Variants in ABCA9 observed in about 807,000 individuals in gnomAD.
ABCA9 encodes the protein ATP-binding cassette sub-family A member 9.
ABCA9 carries 183 observed loss-of-function variants against 205.3 expected under a neutral mutation model. The observed-to-expected ratio is 0.89, with a 90% CI of 0.79 to 1.01. The LOEUF (loss-of-function observed/expected upper bound fraction) is 1.01. Ranked by LOEUF, ABCA9 falls within the 50% of genes least tolerant of loss-of-function variation. The pLI, the probability that ABCA9 is intolerant of heterozygous loss-of-function variation, is 0.00. For missense variants in ABCA9, 1,805 were observed against 1,912.4 expected, an observed-to-expected ratio of 0.94 and a Z score of 1.05; for synonymous variants, 651 against 683.3, an observed-to-expected ratio of 0.95 and a Z score of 0.74.
intron 37 of ABCA9, among the ~76,000 whole-genome samples, chr17:68,978,798 G>A (rs1375246596): frequency 2.6e-5 from 4 of 152,062 alleles, no homozygotes; most frequent in Non-Finnish European, 5.9e-5. Flanking sequence ...AAAATAATAA[G>A]AGCTATCTAT....
intron 32 of ABCA9, 58 bp from the exon 33 acceptor site, chr17:68,985,186 A>T: frequency 6.2e-7 from 1 of 1,605,704 alleles, no homozygotes; most frequent in Non-Finnish European, 8.5e-7. Flanking sequence ...ACATGGGAGA[A>T]TGAGCAAATC....
chr17:69,025,071 T>G (rs76119476), intron 16 of ABCA9, among the ~76,000 whole-genome samples: 6,752 of 152,216 alleles, frequency 0.044, 343 homozygotes, highest in African/African-American at 0.12. Flanking sequence ...TACTTACAAG[T>G]GCTATCAAGA....
intron 31 of ABCA9, among the ~76,000 whole-genome samples, chr17:68,987,686 C>G (rs1390226446): frequency 1.3e-5 from 2 of 151,638 alleles, no homozygotes; most frequent in African/African-American, 2.4e-5. Context: ...GATTTTGGAT[C>G]AATTCTAAGT....
At chr17:69,008,302 A>G (rs2070234696) in intron 23 of ABCA9, 67 bp from the exon 24 acceptor site, 2 of 1,433,276 alleles carry the variant, frequency 1.4e-6, no homozygotes, top group Non-Finnish European at 9.7e-7. Context: ...TTGCAAATAT[A>G]CAGTCATGAA....
rs1040279389 is a variant in ABCA9, at chr17:69,051,029, A to G, written c.96+2T>C. The G allele has an allele frequency of 2.5e-6, 4 of 1,613,222 alleles. No homozygotes were observed. Among genetic ancestry groups the G allele is most frequent in the Non-Finnish European group, 1.7e-6 (2 of 1,179,590 alleles). On this transcript the variant is annotated splice_donor_variant, in intron 2 of 38. Coordinates refer to ENST00000340001, the MANE Select transcript of ABCA9 (RefSeq NM_080283.4). LOFTEE classifies it high-confidence loss of function. ...TGAGAACACATAGACTCTGAAGCATACCAACAAGGTCTGTCTTTTCATTCT... is the reference window on the plus strand; with the variant it reads ...TGAGAACACATAGACTCTGAAGCATGCCAACAAGGTCTGTCTTTTCATTCT...
intron 3 of ABCA9, among the ~76,000 whole-genome samples, chr17:69,048,420 T>C (rs62082714): frequency 0.54 from 70,762 of 131,160 alleles, 19,513 homozygotes; most frequent in Non-Finnish European, 0.68. Context: ...GACGAAAGCA[T>C]GGACTTACGC....
chr17:69,063,996 A>G (rs1380135504), upstream of ABCA9, among the ~76,000 whole-genome samples: 1 of 152,100 alleles, frequency 6.6e-6, no homozygotes, highest in Non-Finnish European at 1.5e-5. Flanking sequence ...CATTTCTCAG[A>G]TATATTTTGA....
At chr17:69,029,110 C>A in intron 11 of ABCA9, 59 bp downstream of exon 11, 1 of 1,049,654 alleles carries the variant, frequency 9.5e-7, no homozygotes, top group South Asian at 1.7e-5. Flanking sequence ...CAAGAAATTA[C>A]AACAGTAAGG....
the ABCA9 span, among the ~76,000 whole-genome samples, chr17:69,075,257 G>A: frequency 1.3e-5 from 2 of 151,872 alleles, no homozygotes; most frequent in Non-Finnish European, 2.9e-5. Flanking sequence ...CTTAGGTCCC[G>A]CTTGTCCATT....
intron 28 of ABCA9, among the ~76,000 whole-genome samples, chr17:68,991,264 A>T (rs1309352248): frequency 1.3e-5 from 2 of 152,186 alleles, no homozygotes; most frequent in East Asian, 3.9e-4. Context: ...GCAGAGTTGC[A>T]TGAGGAAAGG....
At chr17:69,061,194 C>T, upstream of ABCA9, 1 of 976,258 alleles carries the variant, frequency 1.0e-6, no homozygotes, top group Non-Finnish European at 1.2e-6. Flanking sequence ...CAAGGAGAAT[C>T]TAGCCTTTCT....
Position 68,975,010 on chromosome 17 carries a change from A to G in ABCA9, c.*905T>C, listed in dbSNP as rs1416679851. On this transcript the variant is annotated 3_prime_UTR_variant, in exon 39 of 39. Coordinates refer to ENST00000340001, the MANE Select transcript of ABCA9 (RefSeq NM_080283.4). ...TAATGCTATCCCTCCCCTAGCCCCC[A>G]TCCCCCCAACAGGCCCCAGGGTGTG... The G allele has an allele frequency of 6.0e-5, 9 of 150,848 alleles. No homozygotes were observed. In the East Asian group the frequency reaches 1.6e-3, roughly 26 times the overall value. 9.3% of individuals were successfully genotyped at this position (150,848 alleles called of 1,614,324 possible).
Position 69,020,562 on chromosome 17 carries a change from T to G in ABCA9, c.2426A>C (p.Gln809Pro). Residue 809 changes from glutamine to proline, a missense_variant, in exon 19 of 39, where the codon CAA becomes CCA. Transcript: ENST00000340001. ...ESDIGIWGQL[Q>P]TDGAKDIGSL... ...TCCTATATCTTTTGCCCCATCAGTTTGTAATTGTCCCCAAATTCCAATATC... is the reference window on the plus strand; with the variant it reads ...TCCTATATCTTTTGCCCCATCAGTTGGTAATTGTCCCCAAATTCCAATATC... The G allele has an allele frequency of 3.1e-6, 5 of 1,613,860 alleles. No individual in the cohort carries two copies. Among genetic ancestry groups the G allele is most frequent in the Non-Finnish European group, 4.2e-6 (5 of 1,179,848 alleles).
chr17:69,068,852 A>G, the ABCA9 span, among the ~76,000 whole-genome samples: 1 of 152,180 alleles, frequency 6.6e-6, no homozygotes, highest in Non-Finnish European at 1.5e-5. Context: ...GGCAGTGTTA[A>G]ACACAATGGA....
In ABCA9 at chr17:68,982,570, A is replaced by G. The variant is rs1259145744; in HGVS notation, c.4712T>C (p.Leu1571Ser). 2 of 1,613,308 alleles carry G rather than the reference A, an allele frequency of 1.2e-6. No homozygotes were observed. Among genetic ancestry groups the G allele is most frequent in the East Asian group, 2.2e-5 (1 of 44,892 alleles). The change falls in exon 37 of 39, where the codon TTA (leucine) becomes TCA (serine). Residue 1571 changes from leucine to serine, a missense_variant. By Grantham distance (145) the Leu-to-Ser change is moderately radical (BLOSUM62 -2). Coordinates refer to ENST00000340001, the MANE Select transcript of ABCA9 (RefSeq NM_080283.4). ...VRPLSQAFFK[L>S]EIVKQSFDLE... ...TAAACAGTCACTCTTACCTATCTCT[A>G]ATTTGAAGAAAGCCTGTGATAAAGG...
the ABCA9 span, among the ~76,000 whole-genome samples, chr17:69,066,163 G>A: frequency 3.3e-5 from 5 of 152,210 alleles, no homozygotes; most frequent in African/African-American, 4.8e-5. Context: ...CCCACAGCAC[G>A]CTGTGGTTAC....
At chr17:69,062,580 G>A (rs1199828694), upstream of ABCA9, among the ~76,000 whole-genome samples, 1 of 151,832 alleles carries the variant, frequency 6.6e-6, no homozygotes, top group Non-Finnish European at 1.5e-5. Context: ...GCACAATCTC[G>A]GCTCAATGGA....
chr17:69,078,661 G>T, the ABCA9 span: 1 of 196,216 alleles, frequency 5.1e-6, no homozygotes, highest in Non-Finnish European at 1.0e-5. Context: ...TTCAGCAAGA[G>T]AATGTTTTGT....
chr17:68,976,259 C>A, intron 37 of ABCA9, 69 bp from the exon 38 acceptor site: 1 of 1,243,178 alleles, frequency 8.0e-7, no homozygotes, highest in Non-Finnish European at 1.2e-6. Context: ...AGTAACAAAC[C>A]AAAATACATA....
Sources: allele counts gnomAD v4.1 joint callset (sites outside exome capture counted in the v4.1 genomes callset), GRCh38; gene constraint gnomAD v4.1.1; transcripts MANE v1.5; gene names NCBI Gene and HGNC (gene_info 2026-07-23, HGNC 2026-07-21).